HS3ST2: variants seen among roughly 807,000 people sequenced by gnomAD.
The protein encoded by HS3ST2 is heparan sulfate glucosamine 3-O-sulfotransferase 2.
HS3ST2 carries 17 observed loss-of-function variants against 26.3 expected under a neutral mutation model. The observed-to-expected ratio is 0.65, with a 90% confidence interval of 0.44 to 0.97. The LOEUF (loss-of-function observed/expected upper bound fraction) is 0.97, where lower values mean the gene tolerates loss of function less well. HS3ST2 is among the 50% of genes least tolerant of loss of function. The pLI, the probability that HS3ST2 is intolerant of heterozygous loss-of-function variation, is 0.00. For missense variants in HS3ST2, 402 were observed against 501.2 expected (o/e 0.80, Z 1.89); for synonymous variants, 237 against 219.2 (o/e 1.08, Z -0.72).
intron 1 of HS3ST2, among the ~76,000 whole-genome samples, chr16:22,822,435 T>G (rs1901007570): frequency 6.6e-6 from 1 of 152,222 alleles, no homozygotes; most frequent in African/African-American, 2.4e-5. Flanking sequence ...CCTAGAGTGC[T>G]GGGATTACAG....
intron 1 of HS3ST2, among the ~76,000 whole-genome samples, chr16:22,877,755 A>G (rs1901939218): frequency 6.6e-6 from 1 of 152,252 alleles, no homozygotes; most frequent in Non-Finnish European, 1.5e-5. Flanking sequence ...TAGGCATGGA[A>G]GTAATGAAGA....
chr16:22,817,946 A>C lies in HS3ST2; in HGVS notation c.485+2851A>C, dbSNP rs541374952. 1.1e-3 allele frequency among the ~76,000 whole-genome samples: 171 copies of C among 152,330 alleles called. 2 individuals carry two copies. Among genetic ancestry groups the C allele is most frequent in the Non-Finnish European group, 2.3e-3 (156 of 68,030 alleles). ...GCTGAAGGCCGAGTGATATAGCCAGAAAGACACCATCATTTGGAGAGACCA... is the reference window on the plus strand; with the variant it reads ...GCTGAAGGCCGAGTGATATAGCCAGCAAGACACCATCATTTGGAGAGACCA... On this transcript the variant is annotated intron_variant, in intron 1 of 1. Transcript: ENST00000261374.
Position 22,915,313 on chromosome 16 carries a change from G to T in HS3ST2, c.855G>T (p.Met285Ile). 6.2e-7 allele frequency: 1 copy of T among 1,614,106 alleles called. No individual in the cohort carries two copies. Among genetic ancestry groups the T allele is most frequent in the African/African-American group, 1.3e-5 (1 of 75,010 alleles). The change falls in exon 2 of 2, where the codon ATG becomes ATT. Residue 285 changes from methionine to isoleucine, a missense_variant. Physicochemically the swap from Met to Ile is conservative, Grantham distance 10. Transcript: ENST00000261374. ...ERLITDPAGE[M>I]GRVQDFLGIK... Reference sequence around the variant, plus strand: ...TCATCACTGACCCGGCCGGCGAGATGGGGCGAGTCCAGGACTTCCTGGGCA... The same window carrying T: ...TCATCACTGACCCGGCCGGCGAGATTGGGCGAGTCCAGGACTTCCTGGGCA...
In HS3ST2 at chr16:22,814,483, C is replaced by A. The variant is rs1900820903; in HGVS notation, c.-128C>A. ...TCAGCAGCCCCCGGAGAAGACGGCGCCCCCAACGCCCGACCCGCGTGGCCG... is the reference window on the plus strand; with the variant it reads ...TCAGCAGCCCCCGGAGAAGACGGCGACCCCAACGCCCGACCCGCGTGGCCG... On this transcript the variant is annotated 5_prime_UTR_variant, in exon 1 of 2. Transcript: ENST00000261374. 3 of 1,057,646 alleles carry A rather than the reference C, an allele frequency of 2.8e-6. No homozygotes were observed. The highest frequency in any genetic ancestry group is 3.2e-4 in the Middle Eastern group (1 of 3,090). 65.5% of individuals were successfully genotyped at this position (1,057,646 alleles called of 1,614,324 possible). A position where few individuals can be genotyped will look rare whatever the true frequency, so the allele number is the denominator to read the frequency against.
rs1902478083 is a variant in HS3ST2, at chr16:22,915,199, C to A, written c.741C>A (p.Ala247=). Residue 247 remains alanine, a synonymous_variant, in exon 2 of 2, where the codon GCC becomes GCA. Transcript: ENST00000261374. ...TLGLVDVSWN[A]IRIGMYVLHL... is the part of the protein sequence containing the mutation. ...GCCTGGTGGACGTGTCATGGAACGC[C>A]ATCCGCATCGGCATGTACGTGCTGC... 1.9e-6 allele frequency: 3 copies of A among 1,614,126 alleles called. No individual in the cohort carries two copies. The highest frequency in any genetic ancestry group is 2.7e-5 in the African/African-American group (2 of 75,010).
In HS3ST2 at chr16:22,867,252, A is replaced by C. The variant is rs143030820; in HGVS notation, c.486-47692A>C. The stretch of plus-strand genomic sequence containing the variant: ...TAATTCTTCCCTCATATATACCAAA[A>C]TAAGTCTCAAAATAATTGCAGACTT... On this transcript the variant is annotated intron_variant, in intron 1 of 1. Coordinates refer to ENST00000261374, the MANE Select transcript of HS3ST2 (RefSeq NM_006043.2). Among the ~76,000 whole-genome samples the C allele has an allele frequency of 3.3e-5, 5 of 152,344 alleles. No homozygotes were observed. In the East Asian group the frequency reaches 9.6e-4, roughly 29 times the overall value.
rs34942780 is a variant in HS3ST2 at position 22,864,882 on chromosome 16, C to CAAAAAAAAAAA, written c.485+49797_485+49807dup. On this transcript the variant is annotated intron_variant, in intron 1 of 1. Coordinates refer to ENST00000261374, the MANE Select transcript of HS3ST2 (RefSeq NM_006043.2). ...GCAACATAGGGAGACCCTGTCTCCACAAAAAAAAAAAAAAAAAAAATAGCC... is the reference window on the plus strand; with the variant it reads ...GCAACATAGGGAGACCCTGTCTCCACAAAAAAAAAAAAAAAAAAAAAAAAAAAAAAATAGCC... Among the ~76,000 whole-genome samples the CAAAAAAAAAAA allele has an allele frequency of 4.1e-3, 236 of 57,050 alleles. 7 individuals carry two copies. Among genetic ancestry groups the CAAAAAAAAAAA allele is most frequent in the East Asian group, 9.4e-3 (21 of 2,232 alleles). The allele number at this position is 57,050 out of a possible 152,430, so 37.4% of individuals were successfully genotyped here.
intron 1 of HS3ST2, among the ~76,000 whole-genome samples, chr16:22,869,130 G>A (rs915459777): frequency 6.6e-6 from 1 of 151,934 alleles, no homozygotes; most frequent in African/African-American, 2.4e-5. Flanking sequence ...GAAGCCTAGT[G>A]AAAAGGGGCG....
At chr16:22,877,347 G>A (rs900434537) in intron 1 of HS3ST2, among the ~76,000 whole-genome samples, 3 of 152,182 alleles carry the variant, frequency 2.0e-5, no homozygotes, top group Non-Finnish European at 2.9e-5. Context: ...CAGGATTGAC[G>A]GGGAGGATTG....
At chr16:22,885,785 C>T (rs1902051352) in intron 1 of HS3ST2, among the ~76,000 whole-genome samples, 2 of 152,076 alleles carry the variant, frequency 1.3e-5, no homozygotes, top group African/African-American at 4.8e-5. Flanking sequence ...GAAGATGCTC[C>T]TCTGCTGGGG....
chr16:22,829,512 T>C (rs1051570425), intron 1 of HS3ST2, among the ~76,000 whole-genome samples: 1 of 152,136 alleles, frequency 6.6e-6, no homozygotes, highest in Admixed American at 6.5e-5. Flanking sequence ...GAATATGGCA[T>C]TTTAAAGAAA....
chr16:22,838,236 T>C (rs1901298624), intron 1 of HS3ST2, among the ~76,000 whole-genome samples: 1 of 152,072 alleles, frequency 6.6e-6, no homozygotes, highest in Non-Finnish European at 1.5e-5. Flanking sequence ...AGACAAAGAA[T>C]CTAGCTCCTG....
intron 1 of HS3ST2, among the ~76,000 whole-genome samples, chr16:22,841,001 T>C (rs1399283246): frequency 7.6e-6 from 1 of 131,822 alleles, no homozygotes; most frequent in African/African-American, 2.8e-5. Flanking sequence ...TGTGTGATGT[T>C]CCCCTTCCTG....
At chr16:22,833,485 G>C (rs1328421899) in intron 1 of HS3ST2, 2 of 378,770 alleles carry the variant, frequency 5.3e-6, no homozygotes, top group Admixed American at 3.0e-5. Context: ...ACAAAATGGG[G>C]AGGAGGGGCA....
intron 1 of HS3ST2, among the ~76,000 whole-genome samples, chr16:22,890,874 G>A (rs567372973): frequency 6.6e-6 from 1 of 152,188 alleles, no homozygotes; most frequent in Non-Finnish European, 1.5e-5. Flanking sequence ...TTAAGTAAAA[G>A]TTAGCCTTAA....
chr16:22,881,287 C>T (rs1901987484), intron 1 of HS3ST2, among the ~76,000 whole-genome samples: 1 of 152,212 alleles, frequency 6.6e-6, no homozygotes, highest in Non-Finnish European at 1.5e-5. Flanking sequence ...TGTTTCCCTT[C>T]CTCCTCCACT....
Position 22,817,850 on chromosome 16 carries a change from T to C in HS3ST2, c.485+2755T>C, listed in dbSNP as rs558729800. On this transcript the variant is annotated intron_variant, in intron 1 of 1. Transcript: ENST00000261374. Reference sequence around the variant, plus strand: ...CCTGATCAGGAGGCTGAAATCCAGATAGTGGAAAAATCAAAAGCTTTACCC... The same window carrying C: ...CCTGATCAGGAGGCTGAAATCCAGACAGTGGAAAAATCAAAAGCTTTACCC... Among the ~76,000 whole-genome samples the C allele has an allele frequency of 1.1e-3, 165 of 151,922 alleles. 1 individual carries two copies. The highest frequency in any genetic ancestry group is 3.8e-3 in the African/African-American group (156 of 41,312).
chr16:22,816,950 C>T (rs1272894983), intron 1 of HS3ST2, among the ~76,000 whole-genome samples: 1 of 152,152 alleles, frequency 6.6e-6, no homozygotes. Context: ...AGACTCTCCT[C>T]CCTCCCCTCT....
intron 1 of HS3ST2, among the ~76,000 whole-genome samples, chr16:22,877,537 T>C (rs1274074876): frequency 2.0e-5 from 3 of 152,178 alleles, no homozygotes; most frequent in Non-Finnish European, 2.9e-5. Flanking sequence ...AGATTCTCAC[T>C]TGGACAGAGG....
Sources: gnomAD v4.1 joint callset for allele counts (sites outside exome capture counted in the v4.1 genomes callset) on GRCh38, gnomAD v4.1.1 for gene constraint, MANE v1.5 for transcripts, NCBI Gene and HGNC (gene_info 2026-07-23, HGNC 2026-07-21) for gene names.